LRIG1: variants seen among roughly 807,000 people sequenced by gnomAD.
LRIG1 encodes leucine-rich repeats and immunoglobulin-like domains protein 1.
In LRIG1, 48 loss-of-function variants were observed where a neutral mutation model predicts 99.2. The observed-to-expected ratio is 0.48, with a 90% CI of 0.38 to 0.62. The LOEUF is 0.62. LRIG1 is among the 20% of genes least tolerant of loss of function. LRIG1 has a pLI of 0.00. For missense variants in LRIG1, 1,646 were observed against 1,434.4 expected (o/e 1.15, Z -2.38); for synonymous variants, 772 against 596.1 (o/e 1.29, Z -4.30).
rs1703668112 is a variant in LRIG1, at chr3:66,444,956, T to G, written c.365+6603A>C. 2.6e-5 allele frequency among the ~76,000 whole-genome samples: 4 copies of G among 151,994 alleles called. 1 individual carries two copies. In the South Asian group the frequency reaches 8.3e-4, roughly 32 times the overall value. On this transcript the variant is annotated intron_variant, in intron 3 of 18. Transcript: ENST00000273261. Reference sequence around the variant, plus strand: ...ATATACACATATATATACGTGTGTATATGTATGTGTATATATATAATTCCT... The same window carrying G: ...ATATACACATATATATACGTGTGTAGATGTATGTGTATATATATAATTCCT...
chr3:66,388,420 G>A (rs993498703), intron 12 of LRIG1, among the ~76,000 whole-genome samples: 9 of 151,978 alleles, frequency 5.9e-5, no homozygotes, highest in Non-Finnish European at 8.8e-5. Context: ...GTCCAAGAAG[G>A]AGAAGAAAGA....
At chr3:66,484,780 A>T (rs1369226041) in intron 1 of LRIG1, among the ~76,000 whole-genome samples, 6 of 152,180 alleles carry the variant, frequency 3.9e-5, no homozygotes, top group Admixed American at 3.9e-4. Context: ...TTGCAAACAG[A>T]TGTGAGTAAA....
chr3:66,447,516 C>A lies in LRIG1; in HGVS notation c.365+4043G>T, dbSNP rs542918257. Among the ~76,000 whole-genome samples the A allele has an allele frequency of 2.0e-5, 3 of 152,210 alleles. No individual in the cohort carries two copies. The East Asian group carries it at 5.8e-4, about 29-fold the overall frequency. ...TACAAAGTCACAATTAATTGTGTGC[C>A]CCTAAGTTTTGCCTAGGTCTTCCTC... On this transcript the variant is annotated intron_variant, in intron 3 of 18. Coordinates refer to ENST00000273261, the MANE Select transcript of LRIG1 (RefSeq NM_015541.3).
intron 1 of LRIG1, among the ~76,000 whole-genome samples, chr3:66,479,172 T>C (rs1700791351): frequency 6.6e-6 from 1 of 152,232 alleles, no homozygotes; most frequent in Non-Finnish European, 1.5e-5. Context: ...TTCTGTCTAA[T>C]TTATAGCTGC....
intron 12 of LRIG1, 196 bp from the exon 13 acceptor site, chr3:66,386,497 T>C (rs1359165462): frequency 6.8e-6 from 4 of 584,316 alleles, no homozygotes; most frequent in Non-Finnish European, 1.2e-5. Flanking sequence ...ATTAGAAGTC[T>C]GTGAGTACTG....
rs1415751520 is a variant in LRIG1, at chr3:66,399,779, A to C, written c.1161-738T>G. ...CGGGATGTTGTCTCAAACAAAAAAC[A>C]AACAAAAACCCCCAAACTGCCACCC... On this transcript the variant is annotated intron_variant, in intron 9 of 18. Coordinates refer to ENST00000273261, the MANE Select transcript of LRIG1 (RefSeq NM_015541.3). 2.0e-5 allele frequency among the ~76,000 whole-genome samples: 3 copies of C among 152,198 alleles called. No homozygotes were observed. In the East Asian group the frequency reaches 5.8e-4, roughly 29 times the overall value.
intron 3 of LRIG1, among the ~76,000 whole-genome samples, chr3:66,428,298 T>A (rs1183390844): frequency 1.3e-5 from 2 of 152,196 alleles, no homozygotes; most frequent in Admixed American, 6.5e-5. Context: ...CCCTGTTTCA[T>A]GCTGCTTCAT....
intron 3 of LRIG1, among the ~76,000 whole-genome samples, chr3:66,449,823 CAA>C: frequency 6.6e-6 from 1 of 152,212 alleles, no homozygotes; most frequent in Non-Finnish European, 1.5e-5. Flanking sequence ...ATGTGAGGAA[CAA>C]GAGCAGTTAC....
chr3:66,476,595 A>T (rs1457840837), intron 1 of LRIG1, among the ~76,000 whole-genome samples: 1 of 152,148 alleles, frequency 6.6e-6, no homozygotes, highest in Non-Finnish European at 1.5e-5. Context: ...TCCTCAGTCA[A>T]ATCTGCTGGC....
chr3:66,480,042 A>G (rs1396072065), intron 1 of LRIG1, among the ~76,000 whole-genome samples: 3 of 152,238 alleles, frequency 2.0e-5, no homozygotes, highest in Admixed American at 1.3e-4. Flanking sequence ...ATTACAGCCA[A>G]AAAGTGGAAA....
At position 66,380,837 on chromosome 3, in the gene LRIG1, C is replaced by T. The variant is rs1701009652; in HGVS notation, c.2795G>A (p.Ser932Asn). Residue 932 changes from serine to asparagine, a missense_variant, in exon 18 of 19, where the codon AGT (serine) becomes AAT (asparagine). Ser to Asn is a conservative substitution (Grantham distance 46). Coordinates refer to ENST00000273261, the MANE Select transcript of LRIG1 (RefSeq NM_015541.3). ...ACAGTCCACTTCGGTGTTGCAGTCA[C>T]TGCATACGACCCGGCCACCGTGTTC... ...KMEHGGRVVC[S>N]DCNTEVDCYS... 6.2e-7 allele frequency: 1 copy of T among 1,614,070 alleles called. No homozygotes were observed. The highest frequency in any genetic ancestry group is 8.5e-7 in the Non-Finnish European group (1 of 1,180,030).
intron 9 of LRIG1, among the ~76,000 whole-genome samples, chr3:66,402,292 A>G (rs1702088975): frequency 6.6e-6 from 1 of 152,066 alleles, no homozygotes. Flanking sequence ...CCGCACAACC[A>G]TTTGGAAACA....
At chr3:66,500,068 G>C in intron 1 of LRIG1, 122 bp downstream of exon 1, 1 of 715,182 alleles carries the variant, frequency 1.4e-6, no homozygotes, top group Non-Finnish European at 2.2e-6. Flanking sequence ...ACACGCACAA[G>C]CACGCACAAC....
intron 3 of LRIG1, among the ~76,000 whole-genome samples, chr3:66,441,875 G>A (rs967841248): frequency 2.6e-5 from 4 of 152,182 alleles, no homozygotes; most frequent in African/African-American, 7.2e-5. Context: ...CGTTGAGCAC[G>A]TTACTTGCCG....
chr3:66,439,610 G>GA (rs1258676698), intron 3 of LRIG1, among the ~76,000 whole-genome samples: 1 of 151,056 alleles, frequency 6.6e-6, no homozygotes, highest in Non-Finnish European at 1.5e-5. Flanking sequence ...AAGTTATAAA[G>GA]AAAAAGGTGT....
chr3:66,488,009 AAAAAT>A lies in LRIG1; in HGVS notation c.218+12176_218+12180del, dbSNP rs137861090. 7.7e-3 allele frequency among the ~76,000 whole-genome samples: 1,174 copies of A among 152,256 alleles called. 3 individuals carry two copies. Among genetic ancestry groups the A allele is most frequent in the African/African-American group, 0.015 (636 of 41,554 alleles). On this transcript the variant is annotated intron_variant, in intron 1 of 18. Coordinates refer to ENST00000273261, the MANE Select transcript of LRIG1 (RefSeq NM_015541.3). Reference sequence around the variant, plus strand: ...AGAATTTGTTCCGGAAAACAATAATAAAAATAAAAATAAATTTTAAATCCGGAAGT... The same window carrying A: ...AGAATTTGTTCCGGAAAACAATAATAAAAAATAAATTTTAAATCCGGAAGT...
In LRIG1 at chr3:66,386,126, G is replaced by C. The variant is rs2306273; in HGVS notation, c.1644C>G (p.Val548=). 2.2e-3 allele frequency: 3,548 copies of C among 1,614,146 alleles called. 41 individuals are homozygous for C. In the East Asian group the frequency reaches 0.031, roughly 14 times the overall value. Residue 548 remains valine, a synonymous_variant, in exon 13 of 19, where the codon GTC becomes GTG. Transcript: ENST00000273261. ...CCATCACTTCCCCGTCCTGCGCGTGGACGTGGACAAAGTTCTCCATGTCTG... is the reference window on the plus strand; with the variant it reads ...CCATCACTTCCCCGTCCTGCGCGTGCACGTGGACAAAGTTCTCCATGTCTG... ...TNADMENFVH[V]HAQDGEVMEY... is the part of the protein sequence containing the mutation.
intron 2 of LRIG1, among the ~76,000 whole-genome samples, chr3:66,459,908 A>G (rs1020297284): frequency 1.3e-5 from 2 of 152,248 alleles, no homozygotes; most frequent in African/African-American, 4.8e-5. Flanking sequence ...GCCATCCTGG[A>G]ACTGAAGGCA....
intron 1 of LRIG1, among the ~76,000 whole-genome samples, chr3:66,462,747 CA>C (rs1019977013): frequency 1.3e-5 from 2 of 152,182 alleles, no homozygotes; most frequent in African/African-American, 4.8e-5. Flanking sequence ...CTATCAGTAT[CA>C]TTTCACTATT....
Sources: allele counts gnomAD v4.1 joint callset (sites outside exome capture counted in the v4.1 genomes callset), GRCh38; gene constraint gnomAD v4.1.1; transcripts MANE v1.5; gene names NCBI Gene and HGNC (gene_info 2026-07-23, HGNC 2026-07-21).